NYAP2: variants seen among roughly 807,000 people sequenced by gnomAD.
The protein encoded by NYAP2 is neuronal tyrosine-phosphorylated phosphoinositide-3-kinase adaptor 2.
Under a neutral mutation model 50.4 loss-of-function variants are expected in NYAP2, and 23 were observed. The ratio of observed to expected loss-of-function variants is 0.46; its 90% CI spans 0.33 to 0.65. NYAP2 has a LOEUF of 0.65. NYAP2 is among the 30% of genes least tolerant of loss of function. The pLI is 0.02. For synonymous variants in NYAP2, 394 were observed against 365.2 expected (o/e 1.08, Z -0.90); for missense variants, 885 against 861.0 (o/e 1.03, Z -0.35).
At position 225,646,219 on chromosome 2, in the gene NYAP2, C is replaced by T. The variant is rs373868330; in HGVS notation, c.1829-5213C>T. 2.4e-4 allele frequency among the ~76,000 whole-genome samples: 37 copies of T among 152,094 alleles called. 2 individuals are homozygous for T. The South Asian group carries it at 7.3e-3, about 30-fold the overall frequency. On this transcript the variant is annotated intron_variant, in intron 6 of 6. Transcript: ENST00000636099. ...AATGATGTGAAACTGAAAGAAGAGCCAAAATAAATGGGATAAACAAAAATC... is the reference window on the plus strand; with the variant it reads ...AATGATGTGAAACTGAAAGAAGAGCTAAAATAAATGGGATAAACAAAAATC...
At chr2:225,612,813 T>TGTGATGACATCACACCCAATGG (rs1692920804) in intron 5 of NYAP2, among the ~76,000 whole-genome samples, 1 of 59,874 alleles carries the variant, frequency 1.7e-5, no homozygotes, top group East Asian at 4.2e-4. Flanking sequence ...ACACCCAATG[T>TGTGATGACATCACACCCAATGG]GTGTGATGAC....
intron 3 of NYAP2, among the ~76,000 whole-genome samples, chr2:225,458,753 A>G (rs936276815): frequency 6.6e-6 from 1 of 152,228 alleles, no homozygotes; most frequent in Non-Finnish European, 1.5e-5. Context: ...TTAAATTCAC[A>G]TGGTATGTTT....
chr2:225,649,797 C>T (rs944904560), intron 6 of NYAP2, among the ~76,000 whole-genome samples: 6 of 151,972 alleles, frequency 3.9e-5, no homozygotes, highest in African/African-American at 1.4e-4. Flanking sequence ...ACATAGATGC[C>T]GAATGTTGAA....
chr2:225,501,156 A>G (rs1446463459), intron 3 of NYAP2, among the ~76,000 whole-genome samples: 1 of 152,190 alleles, frequency 6.6e-6, no homozygotes, highest in African/African-American at 2.4e-5. Flanking sequence ...GCATGACTTT[A>G]CAGTTCTTAC....
intron 2 of NYAP2, among the ~76,000 whole-genome samples, chr2:225,401,944 A>G (rs1348968337): frequency 1.3e-5 from 2 of 152,068 alleles, no homozygotes; most frequent in Admixed American, 6.6e-5. Context: ...GTGTGGAATA[A>G]CAAATATAGA....
intron 4 of NYAP2, among the ~76,000 whole-genome samples, chr2:225,572,044 A>T (rs1692081548): frequency 6.6e-6 from 1 of 152,212 alleles, no homozygotes; most frequent in African/African-American, 2.4e-5. Flanking sequence ...CCTTTGCTCC[A>T]GTTCCCAAGA....
At chr2:225,602,020 G>C (rs1349897726) in intron 5 of NYAP2, among the ~76,000 whole-genome samples, 3 of 152,144 alleles carry the variant, frequency 2.0e-5, no homozygotes, top group Admixed American at 6.5e-5. Flanking sequence ...GAAAATTAAG[G>C]AGCATGGGCA....
chr2:225,424,954 C>T (rs76061176), intron 3 of NYAP2, among the ~76,000 whole-genome samples: 1 of 152,042 alleles, frequency 6.6e-6, no homozygotes, highest in Admixed American at 6.6e-5. Flanking sequence ...AGATTGAGTT[C>T]GTTTCCATCA....
intron 6 of NYAP2, among the ~76,000 whole-genome samples, chr2:225,627,606 T>G (rs930550462): frequency 6.6e-6 from 1 of 152,206 alleles, no homozygotes; most frequent in Admixed American, 6.5e-5. Context: ...TCTGAAATCT[T>G]GAGCTGAAGG....
chr2:225,622,346 T>C (rs1303162579), intron 5 of NYAP2, among the ~76,000 whole-genome samples: 1 of 152,072 alleles, frequency 6.6e-6, no homozygotes, highest in Non-Finnish European at 1.5e-5. Context: ...CTTTCAATTA[T>C]TTTTCCTTGC....
rs146408747 is a variant in NYAP2 at position 225,459,144 on chromosome 2, T to C, written c.221+50043T>C. Reference sequence around the variant, plus strand: ...ATATGGATTAAAAATCTATGTAATATAGCTAAACCGTTTAACATGTTGATG... The same window carrying C: ...ATATGGATTAAAAATCTATGTAATACAGCTAAACCGTTTAACATGTTGATG... On this transcript the variant is annotated intron_variant, in intron 3 of 6. Transcript: ENST00000636099. Among the ~76,000 whole-genome samples, 13 of 152,388 alleles carry C rather than the reference T, an allele frequency of 8.5e-5. No individual in the cohort carries two copies. In the East Asian group the frequency reaches 1.5e-3, roughly 18 times the overall value.
intron 4 of NYAP2, among the ~76,000 whole-genome samples, chr2:225,515,053 C>T (rs1268887472): frequency 2.6e-5 from 4 of 152,146 alleles, no homozygotes; most frequent in African/African-American, 7.2e-5. Context: ...TTTGTCTCTC[C>T]TTCCTCTCTC....
At chr2:225,669,620 G>A in the NYAP2 span, among the ~76,000 whole-genome samples, 2 of 152,074 alleles carry the variant, frequency 1.3e-5, no homozygotes, top group African/African-American at 2.4e-5. Context: ...TATCCAGAAT[G>A]TTCTGGGAAG....
chr2:225,421,943 T>G (rs1695222626), intron 3 of NYAP2, among the ~76,000 whole-genome samples: 1 of 152,236 alleles, frequency 6.6e-6, no homozygotes, highest in African/African-American at 2.4e-5. Context: ...CTAATGTTAT[T>G]CTTGATTTGT....
exon 3 of NYAP2, chr2:225,408,891 C>A: frequency 6.2e-7 from 1 of 1,606,850 alleles, no homozygotes; most frequent in South Asian, 1.1e-5. Context: ...ATGATATCCT[C>A]CAAGATGATG....
chr2:225,597,167 T>G (rs1216401663), intron 5 of NYAP2, among the ~76,000 whole-genome samples: 3 of 151,930 alleles, frequency 2.0e-5, no homozygotes, highest in African/African-American at 4.8e-5. Context: ...TTTCCATAGG[T>G]TTTGGGGAAA....
chr2:225,623,837 G>T (rs907074870), intron 5 of NYAP2, among the ~76,000 whole-genome samples: 1 of 152,140 alleles, frequency 6.6e-6, no homozygotes, highest in African/African-American at 2.4e-5. Flanking sequence ...AACTGTAAAA[G>T]CAACTCTTAA....
chr2:225,410,442 A>T (rs1161040209), intron 3 of NYAP2, among the ~76,000 whole-genome samples: 1 of 151,468 alleles, frequency 6.6e-6, no homozygotes, highest in Non-Finnish European at 1.5e-5. Flanking sequence ...TTTTTCTGTG[A>T]AGTATTTTTG....
intron 4 of NYAP2, among the ~76,000 whole-genome samples, chr2:225,580,107 T>C (rs1019493843): frequency 6.6e-6 from 1 of 152,312 alleles, no homozygotes; most frequent in South Asian, 2.1e-4. Flanking sequence ...GCACTTGGTC[T>C]ACAGTCATTT....
Sources: allele counts gnomAD v4.1 joint callset (sites outside exome capture counted in the v4.1 genomes callset), GRCh38; gene constraint gnomAD v4.1.1; transcripts MANE v1.5; gene names NCBI Gene and HGNC (gene_info 2026-07-23, HGNC 2026-07-21).